The following OBP2B variants were observed in gnomAD, a reference collection of about 807,000 sequenced individuals.
OBP2B encodes odorant-binding protein 2b.
Under a neutral mutation model 21.7 loss-of-function variants are expected in OBP2B, and 10 were observed. That is an observed-to-expected ratio of 0.46 (90% CI 0.28 to 0.78). The LOEUF (loss-of-function observed/expected upper bound fraction) is 0.78, where lower values mean the gene tolerates loss of function less well. Ranked by LOEUF, OBP2B falls within the 30% of genes least tolerant of loss-of-function variation. OBP2B has a pLI of 0.11. For synonymous variants in OBP2B, 73 were observed against 91.5 expected (o/e 0.80, Z 1.16); for missense variants, 153 against 217.7 (o/e 0.70, Z 1.87).
the OBP2B span, among the ~76,000 whole-genome samples, chr9:133,217,680 G>C: frequency 6.6e-6 from 1 of 152,174 alleles, no homozygotes; most frequent in South Asian, 2.1e-4. Flanking sequence ...GGTGGGGAGA[G>C]AGGCTTCCTG....
intron 3 of OBP2B, 89 bp from the exon 4 acceptor site, chr9:133,207,425 A>G: frequency 1.1e-6 from 1 of 916,150 alleles, no homozygotes; most frequent in Non-Finnish European, 1.7e-6. Flanking sequence ...GCGGTCACCC[A>G]GGTGCCCTGG....
chr9:133,215,892 A>G, the OBP2B span, among the ~76,000 whole-genome samples: 3 of 152,244 alleles, frequency 2.0e-5, no homozygotes, highest in African/African-American at 7.2e-5. Flanking sequence ...CCACCAAACA[A>G]AAAGAAGAAC....
chr9:133,215,088 G>C, the OBP2B span, among the ~76,000 whole-genome samples: 4 of 152,122 alleles, frequency 2.6e-5, no homozygotes, highest in African/African-American at 9.7e-5. Flanking sequence ...CAAGGTTGCA[G>C]GATACAAGAT....
chr9:133,215,010 A>G, the OBP2B span, among the ~76,000 whole-genome samples: 1 of 152,240 alleles, frequency 6.6e-6, no homozygotes, highest in African/African-American at 2.4e-5. Flanking sequence ...TCTGTAGAAA[A>G]TCCCAAGAAA....
At chr9:133,210,278 G>A (rs1163133666), upstream of OBP2B, among the ~76,000 whole-genome samples, 1 of 152,120 alleles carries the variant, frequency 6.6e-6, no homozygotes, top group Non-Finnish European at 1.5e-5. Flanking sequence ...GGCAGGTGCT[G>A]GACCCACACA....
At chr9:133,223,154 T>TCG in the OBP2B span, among the ~76,000 whole-genome samples, 1,922 of 152,268 alleles carry the variant, frequency 0.013, 56 homozygotes, top group African/African-American at 0.044. This position sits in a 1 kb window ranked among gnomAD's most constrained non-coding sequence, Gnocchi z 4.4. Flanking sequence ...TGAGCTGGTG[T>TCG]TGAGGCCTCA....
chr9:133,220,560 C>T, the OBP2B span, among the ~76,000 whole-genome samples: 1 of 151,982 alleles, frequency 6.6e-6, no homozygotes, highest in Admixed American at 6.5e-5. Flanking sequence ...TGTCCACATC[C>T]TCATCCCTGG....
chr9:133,209,927 C>T (rs1326765683), upstream of OBP2B, among the ~76,000 whole-genome samples: 1 of 152,202 alleles, frequency 6.6e-6, no homozygotes, highest in African/African-American at 2.4e-5. The surrounding 1 kb of genome is among the most constrained non-coding windows in gnomAD (Gnocchi z 6.0). Flanking sequence ...CCTCAGAACA[C>T]GCGATCTCTC....
upstream of OBP2B, among the ~76,000 whole-genome samples, chr9:133,211,255 C>T (rs1183506925): frequency 2.0e-5 from 3 of 152,214 alleles, no homozygotes; most frequent in Non-Finnish European, 4.4e-5. Context: ...GCTGCAAGAC[C>T]AACTGCACAG....
upstream of OBP2B, chr9:133,209,334 A>G: frequency 1.2e-6 from 1 of 809,320 alleles, no homozygotes; most frequent in Non-Finnish European, 2.0e-6. The surrounding 1 kb of genome is among the most constrained non-coding windows in gnomAD (Gnocchi z 6.0). Context: ...ACCCCTCCCC[A>G]TGGTGGCAAC....
At chr9:133,217,813 T>C in the OBP2B span, among the ~76,000 whole-genome samples, 1 of 152,244 alleles carries the variant, frequency 6.6e-6, no homozygotes, top group Non-Finnish European at 1.5e-5. Context: ...CCTTCTCCCG[T>C]GAGGTCTGAA....
chr9:133,221,317 T>G, the OBP2B span, among the ~76,000 whole-genome samples: 37 of 152,172 alleles, frequency 2.4e-4, no homozygotes, highest in African/African-American at 8.9e-4. Context: ...AACTTTGGAG[T>G]CGTTCTTCCC....
upstream of OBP2B, among the ~76,000 whole-genome samples, chr9:133,212,199 C>A (rs1478784860): frequency 1.3e-5 from 2 of 152,132 alleles, no homozygotes; most frequent in African/African-American, 4.8e-5. Context: ...TGAAGCAAAA[C>A]AGAACTGAAA....
chr9:133,217,577 C>T, the OBP2B span, among the ~76,000 whole-genome samples: 1 of 152,208 alleles, frequency 6.6e-6, no homozygotes, highest in African/African-American at 2.4e-5. Context: ...GGGGACCGCC[C>T]CCAGATGGCT....
At chr9:133,208,355 G>T in intron 2 of OBP2B, 114 bp downstream of exon 2, 2 of 1,599,056 alleles carry the variant, frequency 1.3e-6, no homozygotes, top group South Asian at 1.1e-5. Flanking sequence ...TTCCCTCCAA[G>T]GCAGGGGGTG....
chr9:133,207,617 T>C lies in OBP2B; in HGVS notation c.278-281A>G, dbSNP rs116089458. ...TGCCCCACTTCCCTGTCCCTAACCC[T>C]CATCTTCCCCCTCAGCCTCCCCATC... On this transcript the variant is annotated intron_variant, in intron 3 of 6. Transcript: ENST00000372034. Among the ~76,000 whole-genome samples the C allele has an allele frequency of 8.7e-3, 1,317 of 152,006 alleles. 14 individuals are homozygous for C. The highest frequency in any genetic ancestry group is 0.025 in the African/African-American group (1,045 of 41,426).
chr9:133,222,197 C>A, the OBP2B span, among the ~76,000 whole-genome samples: 1 of 152,214 alleles, frequency 6.6e-6, no homozygotes, highest in East Asian at 1.9e-4. Flanking sequence ...CAAGCCCCTG[C>A]ACCAGGAGAC....
chr9:133,220,635 C>T, the OBP2B span, among the ~76,000 whole-genome samples: 2 of 150,152 alleles, frequency 1.3e-5, no homozygotes, highest in Non-Finnish European at 3.0e-5. Context: ...CATCCTCATC[C>T]CTGGCCCTGT....
intron 6 of OBP2B, 22 bp from the exon 7 acceptor site, chr9:133,205,433 A>G: frequency 8.9e-7 from 1 of 1,120,802 alleles, no homozygotes; most frequent in Non-Finnish European, 1.3e-6. Flanking sequence ...AGAGGAGCAG[A>G]GGTCAGGGAG....
Sources: gnomAD v4.1 joint callset for allele counts (sites outside exome capture counted in the v4.1 genomes callset) on GRCh38, gnomAD v4.1.1 for gene constraint, Gnocchi (gnomAD v3.1) non-coding constraint, MANE v1.5 for transcripts, NCBI Gene and HGNC (gene_info 2026-07-23, HGNC 2026-07-21) for gene names.